The following DDX4 variants were observed in gnomAD, a reference collection of about 807,000 sequenced individuals.
The protein encoded by DDX4 is DEAD-box helicase 4.
A neutral mutation model predicts 100.0 loss-of-function variants in DDX4; 25 were observed. That is an observed-to-expected ratio of 0.25 (90% CI 0.18 to 0.35). The LOEUF (loss-of-function observed/expected upper bound fraction) is 0.35. DDX4 is among the 10% of genes least tolerant of loss of function. DDX4 has a pLI of 1.00. For missense variants in DDX4, 635 were observed against 882.4 expected, an observed-to-expected ratio of 0.72 and a Z score of 3.55; for synonymous variants, 259 against 275.7, an observed-to-expected ratio of 0.94 and a Z score of 0.60.
intron 8 of DDX4, among the ~76,000 whole-genome samples, 167 bp from the exon 9 acceptor site, chr5:55,780,899 A>T (rs538391644): frequency 8.3e-4 from 126 of 152,308 alleles, no homozygotes; most frequent in African/African-American, 2.9e-3. Context: ...GAATAGTTTA[A>T]CTTAGTTTAA....
intron 3 of DDX4, among the ~76,000 whole-genome samples, chr5:55,756,628 T>TTTTTTGCTTGG (rs1436213411): frequency 6.6e-6 from 1 of 152,124 alleles, no homozygotes; most frequent in Admixed American, 6.5e-5. Context: ...CTTGGTGGTT[T>TTTTTTGCTTGG]TAGTATATGG....
intron 3 of DDX4, among the ~76,000 whole-genome samples, chr5:55,747,060 C>T (rs1759282300): frequency 6.6e-6 from 1 of 151,976 alleles, no homozygotes; most frequent in African/African-American, 2.4e-5. Flanking sequence ...TCGAGACCAG[C>T]TTGGGCAACA....
intron 7 of DDX4, among the ~76,000 whole-genome samples, chr5:55,775,595 T>C (rs1741509432): frequency 6.6e-6 from 1 of 152,226 alleles, no homozygotes; most frequent in Non-Finnish European, 1.5e-5. Context: ...CATATCATTT[T>C]AGTGTTTTCA....
At chr5:55,769,566 A>C (rs954659143) in intron 7 of DDX4, among the ~76,000 whole-genome samples, 1 of 152,202 alleles carries the variant, frequency 6.6e-6, no homozygotes, top group African/African-American at 2.4e-5. Flanking sequence ...AATCAGTGGC[A>C]TTCCTATCCA....
At chr5:55,778,217 A>G (rs1741690554) in intron 7 of DDX4, among the ~76,000 whole-genome samples, 1 of 152,196 alleles carries the variant, frequency 6.6e-6, no homozygotes, top group African/African-American at 2.4e-5. Flanking sequence ...AACAGTTCAT[A>G]TGGAAATCCT....
intron 3 of DDX4, among the ~76,000 whole-genome samples, chr5:55,747,355 A>G (rs1381500464): frequency 6.6e-6 from 1 of 152,052 alleles, no homozygotes; most frequent in Non-Finnish European, 1.5e-5. Flanking sequence ...TCCAGCCTGG[A>G]GATGGAGTGA....
chr5:55,778,619 C>T (rs566489025), intron 7 of DDX4, among the ~76,000 whole-genome samples: 23 of 152,204 alleles, frequency 1.5e-4, no homozygotes, highest in African/African-American at 5.3e-4. Context: ...TGGGGCCAGG[C>T]GCTGTGGCTC....
intron 2 of DDX4, 66 bp downstream of exon 2, chr5:55,739,098 T>C: frequency 1.0e-6 from 1 of 953,404 alleles, no homozygotes; most frequent in Non-Finnish European, 1.7e-6. Flanking sequence ...ATCACTGTGG[T>C]GAGAGTTCTA....
chr5:55,742,571 A>G (rs1033139543), intron 2 of DDX4, among the ~76,000 whole-genome samples: 3 of 152,236 alleles, frequency 2.0e-5, no homozygotes, highest in Non-Finnish European at 2.9e-5. Context: ...TCAAAATGCA[A>G]AAGGATTATT....
At chr5:55,740,796 A>G (rs1253872837) in intron 2 of DDX4, among the ~76,000 whole-genome samples, 7 of 151,874 alleles carry the variant, frequency 4.6e-5, no homozygotes, top group African/African-American at 1.7e-4. Flanking sequence ...CTGGGATTAC[A>G]GGCATGGGCC....
Position 55,816,759 on chromosome 5 carries a change from T to G in DDX4, c.*219T>G. ...ATACAAATGGTGTTAACTGGGAATATTAAAGCATTCTAAATGTCTTTCTTA... is the reference window on the plus strand; with the variant it reads ...ATACAAATGGTGTTAACTGGGAATAGTAAAGCATTCTAAATGTCTTTCTTA... On this transcript the variant is annotated 3_prime_UTR_variant, in exon 22 of 22. Transcript: ENST00000505374. 3 of 691,756 alleles carry G rather than the reference T, an allele frequency of 4.3e-6. No individual in the cohort carries two copies. Among genetic ancestry groups the G allele is most frequent in the Non-Finnish European group, 6.5e-6 (3 of 464,892 alleles). The allele number at this position is 691,756 out of a possible 1,614,324, so 42.9% of individuals were successfully genotyped here. A position where few individuals can be genotyped will look rare whatever the true frequency, so the allele number is the denominator to read the frequency against.
At position 55,765,413 on chromosome 5, in the gene DDX4, A is replaced by AATATATAT. The variant is rs397997793; in HGVS notation, c.334+1366_334+1373dup. 9.3e-4 allele frequency among the ~76,000 whole-genome samples: 77 copies of AATATATAT among 82,998 alleles called. 1 individual carries two copies. The highest frequency in any genetic ancestry group is 2.7e-3 in the African/African-American group (46 of 17,202). The allele number at this position is 82,998 out of a possible 152,430, so 54.4% of individuals were successfully genotyped here. ...GTTCCCCTAAAAAAAAAAAAAAAAA[A>AATATATAT]ATATATATATATATATATATATATG... On this transcript the variant is annotated intron_variant, in intron 6 of 21. Transcript: ENST00000505374.
intron 3 of DDX4, among the ~76,000 whole-genome samples, chr5:55,758,360 G>A (rs1399532816): frequency 6.6e-6 from 1 of 152,100 alleles, no homozygotes; most frequent in Non-Finnish European, 1.5e-5. Context: ...GTATCTATGA[G>A]TAAGGTTTAT....
intron 3 of DDX4, among the ~76,000 whole-genome samples, chr5:55,758,280 A>G (rs564077575): frequency 2.6e-5 from 4 of 152,278 alleles, no homozygotes; most frequent in African/African-American, 9.6e-5. Flanking sequence ...AAACCCAATT[A>G]GTCATAATAT....
rs187201420 is a variant in DDX4, at chr5:55,742,748, T to C, written c.70-3416T>C. Among the ~76,000 whole-genome samples the C allele has an allele frequency of 2.7e-3, 410 of 152,340 alleles. 3 individuals are homozygous for C. Among genetic ancestry groups the C allele is most frequent in the Middle Eastern group, 6.8e-3 (2 of 294 alleles). On this transcript the variant is annotated intron_variant, in intron 2 of 21. Coordinates refer to ENST00000505374, the MANE Select transcript of DDX4 (RefSeq NM_024415.3). The stretch of plus-strand genomic sequence containing the variant: ...CATATTTTTGAGTTCTAGTAGGTGC[T>C]GGAGAGAGAGTGGTGAATATAAGGT...
At chr5:55,759,707 C>T (rs1175625140) in intron 3 of DDX4, among the ~76,000 whole-genome samples, 1 of 152,108 alleles carries the variant, frequency 6.6e-6, no homozygotes, top group Non-Finnish European at 1.5e-5. Flanking sequence ...TTATGTCTGT[C>T]TGGATAACCA....
chr5:55,797,436 A>G (rs941471671), intron 17 of DDX4, among the ~76,000 whole-genome samples: 2 of 152,202 alleles, frequency 1.3e-5, no homozygotes, highest in Non-Finnish European at 2.9e-5. Flanking sequence ...TAATCATCTG[A>G]AGAATTTCAG....
intron 18 of DDX4, 105 bp from the exon 19 acceptor site, chr5:55,813,568 C>A: frequency 7.2e-7 from 1 of 1,393,360 alleles, no homozygotes; most frequent in Non-Finnish European, 9.4e-7. Flanking sequence ...GTAGTAAATA[C>A]AGTGGTGGAC....
chr5:55,770,917 A>G (rs1442704789), intron 7 of DDX4, among the ~76,000 whole-genome samples: 2 of 152,156 alleles, frequency 1.3e-5, no homozygotes, highest in African/African-American at 4.8e-5. Context: ...TACTATTAAC[A>G]TTTACTTTAA....
Sources: gnomAD v4.1 joint callset for allele counts (sites outside exome capture counted in the v4.1 genomes callset) on GRCh38, gnomAD v4.1.1 for gene constraint, MANE v1.5 for transcripts, NCBI Gene and HGNC (gene_info 2026-07-23, HGNC 2026-07-21) for gene names.